The following OSBPL6 variants were observed in gnomAD, a reference collection of about 807,000 sequenced individuals.
OSBPL6 encodes the protein oxysterol-binding protein-related protein 6.
OSBPL6 carries 49 observed loss-of-function variants against 125.8 expected under a neutral mutation model. That is an observed-to-expected ratio of 0.39 (90% CI 0.31 to 0.49). OSBPL6 has a LOEUF of 0.49. Ranked by LOEUF, OSBPL6 falls within the 20% of genes least tolerant of loss-of-function variation. OSBPL6 has a pLI of 0.88. For missense variants in OSBPL6, 986 were observed against 1,135.4 expected (o/e 0.87, Z 1.89); for synonymous variants, 394 against 391.8 (o/e 1.01, Z -0.07).
chr2:178,256,981 A>T (rs1009110826), intron 1 of OSBPL6, among the ~76,000 whole-genome samples: 19 of 150,886 alleles, frequency 1.3e-4, no homozygotes, highest in East Asian at 3.9e-4. Flanking sequence ...AGACAAATTT[A>T]AAAAAAAAAT....
At chr2:178,361,899 G>A (rs1337329602) in intron 13 of OSBPL6, 84 bp downstream of exon 13, 1 of 1,543,496 alleles carries the variant, frequency 6.5e-7, no homozygotes, top group East Asian at 2.3e-5. Flanking sequence ...GGGCTGGCAG[G>A]GAGGTGGCTA....
intron 1 of OSBPL6, among the ~76,000 whole-genome samples, chr2:178,209,929 TC>T (rs1269178100): frequency 2.0e-5 from 3 of 152,030 alleles, no homozygotes; most frequent in Non-Finnish European, 4.4e-5. Flanking sequence ...TTCCCGCTTT[TC>T]TTTCTTTCCA....
intron 22 of OSBPL6, among the ~76,000 whole-genome samples, chr2:178,392,197 T>C (rs976631347): frequency 8.5e-5 from 13 of 152,182 alleles, no homozygotes; most frequent in African/African-American, 3.1e-4. Flanking sequence ...AAAGACAGGA[T>C]TGTATTAAAT....
chr2:178,383,303 C>T (rs1694654450), intron 17 of OSBPL6, 26 bp downstream of exon 17: 8 of 1,606,850 alleles, frequency 5.0e-6, no homozygotes, highest in Non-Finnish European at 1.7e-6. Flanking sequence ...CAGAGCAGCG[C>T]CCCTCAGGGA....
At chr2:178,284,410 G>A (rs1253337148) in intron 1 of OSBPL6, among the ~76,000 whole-genome samples, 2 of 152,098 alleles carry the variant, frequency 1.3e-5, no homozygotes, top group Admixed American at 6.5e-5. Context: ...AAAATTAGCT[G>A]GGCATGATGG....
At chr2:178,250,548 G>T (rs1044702772) in intron 1 of OSBPL6, among the ~76,000 whole-genome samples, 2 of 152,138 alleles carry the variant, frequency 1.3e-5, no homozygotes, top group Non-Finnish European at 2.9e-5. Context: ...TGACAAAGGC[G>T]GCTGCTTGCC....
intron 1 of OSBPL6, among the ~76,000 whole-genome samples, chr2:178,237,900 CACTT>C (rs956479709): frequency 2.4e-4 from 36 of 152,178 alleles, no homozygotes; most frequent in African/African-American, 7.0e-4. Context: ...GTGGACCACT[CACTT>C]CTTATCTCCA....
intron 19 of OSBPL6, among the ~76,000 whole-genome samples, chr2:178,385,772 C>T (rs925766981): frequency 5.9e-5 from 9 of 152,168 alleles, no homozygotes; most frequent in Non-Finnish European, 1.0e-4. Context: ...CGGACTGTGC[C>T]GGTGGAGAGC....
At chr2:178,255,589 T>C (rs1236865220) in intron 1 of OSBPL6, among the ~76,000 whole-genome samples, 2 of 152,200 alleles carry the variant, frequency 1.3e-5, no homozygotes, top group Non-Finnish European at 2.9e-5. Context: ...GCTGAGACTC[T>C]CTAAGCGTTT....
chr2:178,251,973 C>G (rs1391877445), intron 1 of OSBPL6, among the ~76,000 whole-genome samples: 1 of 152,126 alleles, frequency 6.6e-6, no homozygotes, highest in African/African-American at 2.4e-5. Context: ...ACACCTGAGG[C>G]TGAAGAGTGA....
At chr2:178,214,494 T>G (rs1457149260) in intron 1 of OSBPL6, among the ~76,000 whole-genome samples, 1 of 152,198 alleles carries the variant, frequency 6.6e-6, no homozygotes, top group African/African-American at 2.4e-5. Context: ...ACGAACAGAC[T>G]GGAATTCTCT....
At chr2:178,281,010 CT>C (rs55986941) in intron 1 of OSBPL6, among the ~76,000 whole-genome samples, 1,463 of 131,444 alleles carry the variant, frequency 0.011, 16 homozygotes, top group East Asian at 0.052. Flanking sequence ...TTGCTTTTGA[CT>C]TTTTTTTTTT....
In OSBPL6 at chr2:178,322,917, TA is replaced by T. The variant is rs4019732; in HGVS notation, c.103-1242del. Among the ~76,000 whole-genome samples the T allele has an allele frequency of 8.2e-3, 1,188 of 144,526 alleles. 8 individuals are homozygous for T. The highest frequency in any genetic ancestry group is 0.016 in the African/African-American group (624 of 39,408). 94.8% of individuals were successfully genotyped at this position (144,526 alleles called of 152,430 possible). On this transcript the variant is annotated intron_variant, in intron 3 of 24. Coordinates refer to ENST00000190611, the MANE Select transcript of OSBPL6 (RefSeq NM_032523.4). ...TTTTAGAAAAATCACCTCATGCATT[TA>T]AAAAAAAAAAAAAAAAACCTTTAAA...
At chr2:178,327,055 CA>C (rs1243902416) in intron 4 of OSBPL6, among the ~76,000 whole-genome samples, 3 of 149,558 alleles carry the variant, frequency 2.0e-5, no homozygotes, top group East Asian at 3.9e-4. Context: ...ACAGTGGGTA[CA>C]TTGTACACTG....
chr2:178,285,374 A>T (rs574492133), intron 2 of OSBPL6, among the ~76,000 whole-genome samples: 1 of 152,134 alleles, frequency 6.6e-6, no homozygotes, highest in Non-Finnish European at 1.5e-5. Flanking sequence ...GTAGTCTGGC[A>T]TCATGTGGAA....
intron 3 of OSBPL6, among the ~76,000 whole-genome samples, chr2:178,313,719 T>G (rs899224591): frequency 2.0e-5 from 3 of 152,156 alleles, no homozygotes; most frequent in African/African-American, 7.2e-5. Context: ...ATTACATGAG[T>G]ATCTAAAATG....
intron 1 of OSBPL6, among the ~76,000 whole-genome samples, chr2:178,260,171 A>G (rs558595609): frequency 1.3e-5 from 2 of 152,322 alleles, no homozygotes; most frequent in African/African-American, 4.8e-5. Context: ...TTTATGCACC[A>G]GTTTCAAGAT....
At chr2:178,277,055 C>T (rs1049473589) in intron 1 of OSBPL6, among the ~76,000 whole-genome samples, 3 of 152,170 alleles carry the variant, frequency 2.0e-5, no homozygotes, top group Non-Finnish European at 4.4e-5. Context: ...CAAGGGATTG[C>T]ACAAAATCTA....
chr2:178,239,881 C>G (rs1463169296), intron 1 of OSBPL6, among the ~76,000 whole-genome samples: 2 of 151,950 alleles, frequency 1.3e-5, no homozygotes, highest in East Asian at 3.9e-4. Context: ...CCCGCCTCGG[C>G]CTCTGAAAGT....
Sources: gnomAD v4.1 joint callset for allele counts (sites outside exome capture counted in the v4.1 genomes callset) on GRCh38, gnomAD v4.1.1 for gene constraint, MANE v1.5 for transcripts, NCBI Gene and HGNC (gene_info 2026-07-23, HGNC 2026-07-21) for gene names.